Variants in ALDH1A1 observed in about 807,000 individuals in gnomAD.
ALDH1A1 encodes the protein aldehyde dehydrogenase 1A1.
Under a neutral mutation model 62.1 loss-of-function variants are expected in ALDH1A1, and 19 were observed. The observed-to-expected ratio is 0.31, with a 90% confidence interval of 0.21 to 0.45. The LOEUF (loss-of-function observed/expected upper bound fraction) is 0.45. Ranked by LOEUF, ALDH1A1 falls within the 20% of genes least tolerant of loss-of-function variation. ALDH1A1 has a pLI of 1.00. For missense variants in ALDH1A1, 521 were observed against 607.1 expected (o/e 0.86, Z 1.49); for synonymous variants, 231 against 215.9 (o/e 1.07, Z -0.61).
chr9:72,906,054 T>C, intron 11 of ALDH1A1, 22 bp from the exon 12 acceptor site: 1 of 1,587,074 alleles, frequency 6.3e-7, no homozygotes, highest in Non-Finnish European at 8.6e-7. Flanking sequence ...GAAAAGTGCA[T>C]TATAGACAAT....
At chr9:72,949,235 T>C (rs1474087471) in intron 1 of ALDH1A1, among the ~76,000 whole-genome samples, 2 of 151,924 alleles carry the variant, frequency 1.3e-5, no homozygotes, top group Non-Finnish European at 2.9e-5. Context: ...TCAATTTCCC[T>C]ATTGTTCTCT....
At position 72,901,262 on chromosome 9, in the gene ALDH1A1, A is replaced by G. The variant is rs1454878931; in HGVS notation, c.1452T>C (p.His484=). 3 of 1,609,320 alleles carry G rather than the reference A, an allele frequency of 1.9e-6. No individual in the cohort carries two copies. Among genetic ancestry groups the G allele is most frequent in the Middle Eastern group, 1.6e-4 (1 of 6,070 alleles). The change falls in exon 13 of 13, where the codon CAT becomes CAC. Residue 484 remains histidine (H), a synonymous_variant. Transcript: ENST00000297785. ...NGRELGEYGF[H]EYTEVKTVTV... is the part of the protein sequence containing the mutation. Reference sequence around the variant, plus strand: ...TGACTGTTTTGACCTCTGTATATTCATGGAAACCGTACTCTCCCCTAGAGA... The same window carrying G: ...TGACTGTTTTGACCTCTGTATATTCGTGGAAACCGTACTCTCCCCTAGAGA...
intron 1 of ALDH1A1, among the ~76,000 whole-genome samples, chr9:72,941,933 C>G (rs1441994942): frequency 1.3e-5 from 2 of 152,024 alleles, no homozygotes; most frequent in African/African-American, 2.4e-5. Context: ...GGGCCCAAAG[C>G]TGTTCAGATG....
In ALDH1A1 at chr9:72,925,626, T is replaced by A; in HGVS notation, c.505-14A>T. The A allele has an allele frequency of 6.2e-7, 1 of 1,611,046 alleles. No homozygotes were observed. Among genetic ancestry groups the A allele is most frequent in the Non-Finnish European group, 8.5e-7 (1 of 1,178,904 alleles). On this transcript the variant is annotated splice_polypyrimidine_tract_variant and intron_variant, in intron 5 of 12. Transcript: ENST00000297785. ...CGGGAAATTCCACTAGAAAGCAATA[T>A]GTAACAATAGATTCTTTGTATTGCA...
intron 1 of ALDH1A1, among the ~76,000 whole-genome samples, chr9:72,949,166 C>T (rs544988747): frequency 2.2e-4 from 34 of 151,910 alleles, no homozygotes; most frequent in Non-Finnish European, 4.1e-4. Context: ...TCCTCTGCCT[C>T]ATAGCCTCTC....
intron 7 of ALDH1A1, 51 bp downstream of exon 7, chr9:72,923,968 T>A: frequency 8.0e-7 from 1 of 1,244,392 alleles, no homozygotes; most frequent in East Asian, 2.4e-5. Flanking sequence ...ACATACTTCA[T>A]AGCTGGCAAT....
chr9:72,927,279 A>G (rs1362784857), intron 4 of ALDH1A1, 102 bp from the exon 5 acceptor site: 2 of 843,924 alleles, frequency 2.4e-6, no homozygotes, highest in Non-Finnish European at 3.7e-6. Flanking sequence ...ATAATTTTAA[A>G]AACATATATC....
rs553527459 is a variant in ALDH1A1 at position 72,915,114 on chromosome 9, T to C, written c.1035+1806A>G. On this transcript the variant is annotated intron_variant, in intron 9 of 12. Coordinates refer to ENST00000297785, the MANE Select transcript of ALDH1A1 (RefSeq NM_000689.5). ...CTTGTGATAAAAATCTATTCACTTATAGAAACTAAATTCTTATATTAATCA... is the reference window on the plus strand; with the variant it reads ...CTTGTGATAAAAATCTATTCACTTACAGAAACTAAATTCTTATATTAATCA... Among the ~76,000 whole-genome samples, 7 of 152,332 alleles carry C rather than the reference T, an allele frequency of 4.6e-5. 1 individual carries two copies. The South Asian group carries it at 1.2e-3, about 27-fold the overall frequency.
At chr9:72,911,895 T>C (rs1179267637) in intron 10 of ALDH1A1, 63 bp downstream of exon 10, 1 of 1,576,578 alleles carries the variant, frequency 6.3e-7, no homozygotes, top group Non-Finnish European at 8.7e-7. Flanking sequence ...AGTGACACTT[T>C]GTATACACAC....
At chr9:72,932,327 C>T (rs1044876117) in intron 2 of ALDH1A1, among the ~76,000 whole-genome samples, 3 of 152,130 alleles carry the variant, frequency 2.0e-5, no homozygotes, top group Non-Finnish European at 2.9e-5. Flanking sequence ...GAGATATCTT[C>T]CCCTCAAATG....
chr9:72,920,983 C>T (rs1366703699), intron 7 of ALDH1A1, among the ~76,000 whole-genome samples: 1 of 152,196 alleles, frequency 6.6e-6, no homozygotes, highest in Non-Finnish European at 1.5e-5. Context: ...TGCGGTGGCT[C>T]ACGCCTGTAA....
chr9:72,901,002 T>G lies in ALDH1A1; in HGVS notation c.*206A>C. 1 of 442,220 alleles carries G rather than the reference T, an allele frequency of 2.3e-6. No homozygotes were observed. Among genetic ancestry groups the G allele is most frequent in the Non-Finnish European group, 4.1e-6 (1 of 246,440 alleles). The allele number at this position is 442,220 out of a possible 1,614,324, so 27.4% of individuals were successfully genotyped here. A position where few individuals can be genotyped will look rare whatever the true frequency, so the allele number is the denominator to read the frequency against. Reference sequence around the variant, plus strand: ...TGTCTTTTTTTATTTAGGATAGGACTTGGGGGTCACATTTCAGAAGGCAAA... The same window carrying G: ...TGTCTTTTTTTATTTAGGATAGGACGTGGGGGTCACATTTCAGAAGGCAAA... On this transcript the variant is annotated 3_prime_UTR_variant, in exon 13 of 13. Coordinates refer to ENST00000297785, the MANE Select transcript of ALDH1A1 (RefSeq NM_000689.5).
At chr9:72,917,226 T>C (rs1031897078) in intron 8 of ALDH1A1, 122 bp from the exon 9 acceptor site, 2 of 715,944 alleles carry the variant, frequency 2.8e-6, no homozygotes, top group Non-Finnish European at 2.0e-6. Context: ...ATGGGCTCAG[T>C]ATAGTTTACC....
intron 1 of ALDH1A1, among the ~76,000 whole-genome samples, chr9:72,941,604 C>T (rs1000717684): frequency 1.3e-5 from 2 of 152,098 alleles, no homozygotes; most frequent in African/African-American, 4.8e-5. Flanking sequence ...AGCCCTCAAG[C>T]AATTTTAGCC....
At chr9:72,923,964 T>C in intron 7 of ALDH1A1, 55 bp downstream of exon 7, 1 of 1,225,844 alleles carries the variant, frequency 8.2e-7, no homozygotes, top group Non-Finnish European at 1.2e-6. Context: ...TAAAACATAC[T>C]TCATAGCTGG....
intron 3 of ALDH1A1, among the ~76,000 whole-genome samples, chr9:72,930,160 G>T (rs1830262795): frequency 1.3e-5 from 2 of 151,938 alleles, no homozygotes; most frequent in African/African-American, 2.4e-5. Context: ...TGTTAAATTG[G>T]CTTCATCATA....
At chr9:72,920,353 A>G (rs1268565036) in intron 7 of ALDH1A1, among the ~76,000 whole-genome samples, 1 of 152,182 alleles carries the variant, frequency 6.6e-6, no homozygotes, top group Non-Finnish European at 1.5e-5. Context: ...ATGCCATTCT[A>G]TAACACACTT....
chr9:72,931,050 G>A (rs761241932), intron 2 of ALDH1A1, 31 bp from the exon 3 acceptor site: 1 of 1,613,294 alleles, frequency 6.2e-7, no homozygotes, highest in Non-Finnish European at 8.5e-7. Flanking sequence ...AATTCAGTAA[G>A]CTAAACATAT....
chr9:72,937,049 C>A (rs951364780), intron 2 of ALDH1A1, among the ~76,000 whole-genome samples: 20 of 152,132 alleles, frequency 1.3e-4, no homozygotes, highest in Non-Finnish European at 2.1e-4. Flanking sequence ...CCTGGACATT[C>A]TGAGACAGGC....
Sources: allele counts gnomAD v4.1 joint callset (sites outside exome capture counted in the v4.1 genomes callset), GRCh38; gene constraint gnomAD v4.1.1; transcripts MANE v1.5; gene names NCBI Gene and HGNC (gene_info 2026-07-23, HGNC 2026-07-21).